TRPM3: variants seen among roughly 807,000 people sequenced by gnomAD.
The protein encoded by TRPM3 is transient receptor potential cation channel subfamily M member 3, also known as long transient receptor potential channel 3.
A neutral mutation model predicts 181.2 loss-of-function variants in TRPM3; 77 were observed. That is an observed-to-expected ratio of 0.42 (90% CI 0.35 to 0.51). The LOEUF is 0.51. TRPM3 is among the 20% of genes least tolerant of loss of function. The probability of loss-of-function intolerance (pLI) is 0.01; values close to 1 mark genes in which losing one functional copy is unlikely to be tolerated. For missense variants in TRPM3, 1,759 were observed against 2,196.7 expected, an observed-to-expected ratio of 0.80 and a Z score of 3.98; for synonymous variants, 745 against 796.4, an observed-to-expected ratio of 0.94 and a Z score of 1.09.
chr9:70,965,538 T>C (rs1473581040), intron 1 of TRPM3, among the ~76,000 whole-genome samples: 1 of 152,114 alleles, frequency 6.6e-6, no homozygotes, highest in Non-Finnish European at 1.5e-5. Flanking sequence ...GAGACAACCA[T>C]GTGGTTTTTG....
At chr9:71,142,714 G>T (rs2075184573) in intron 1 of TRPM3, among the ~76,000 whole-genome samples, 1 of 143,888 alleles carries the variant, frequency 6.9e-6, no homozygotes, top group Non-Finnish European at 1.5e-5. Flanking sequence ...AAATTTGCAT[G>T]ACAAATTATA....
intron 1 of TRPM3, among the ~76,000 whole-genome samples, chr9:70,942,711 A>T (rs995340340): frequency 1.7e-4 from 26 of 152,326 alleles, no homozygotes; most frequent in Admixed American, 1.3e-3. Context: ...TGGCTCCACC[A>T]TTATTAGCAA....
At chr9:71,159,450 T>C (rs927267821) in intron 1 of TRPM3, among the ~76,000 whole-genome samples, 2 of 152,104 alleles carry the variant, frequency 1.3e-5, no homozygotes, top group African/African-American at 4.8e-5. Context: ...CATATGTCAA[T>C]ATATTGAATC....
intron 1 of TRPM3, among the ~76,000 whole-genome samples, chr9:71,167,123 T>C (rs1349090633): frequency 6.6e-6 from 1 of 152,102 alleles, no homozygotes; most frequent in Non-Finnish European, 1.5e-5. Context: ...ATTTCGAAAA[T>C]GTGAATCAAG....
intron 1 of TRPM3, among the ~76,000 whole-genome samples, chr9:70,966,464 C>T (rs1210143394): frequency 2.0e-5 from 3 of 152,008 alleles, no homozygotes; most frequent in Non-Finnish European, 4.4e-5. Flanking sequence ...CAGTGCTATT[C>T]ACAAAAGCAA....
At chr9:71,119,099 C>A (rs770237355) in intron 1 of TRPM3, among the ~76,000 whole-genome samples, 4 of 152,118 alleles carry the variant, frequency 2.6e-5, no homozygotes, top group Non-Finnish European at 5.9e-5. Context: ...AGCAGCTTTG[C>A]TTTCTTTCTA....
chr9:71,192,692 C>T (rs2078107379), intron 1 of TRPM3, among the ~76,000 whole-genome samples: 1 of 151,690 alleles, frequency 6.6e-6, no homozygotes, highest in African/African-American at 2.4e-5. Flanking sequence ...ATATTTTCTC[C>T]CATTCTCTAG....
chr9:71,369,083 T>C (rs2092430138), intron 1 of TRPM3, among the ~76,000 whole-genome samples: 1 of 152,016 alleles, frequency 6.6e-6, no homozygotes, highest in Non-Finnish European at 1.5e-5. Flanking sequence ...ATAATCTTAC[T>C]AGCTATTTTA....
At chr9:71,026,679 C>T (rs2056560813) in intron 1 of TRPM3, among the ~76,000 whole-genome samples, 1 of 152,156 alleles carries the variant, frequency 6.6e-6, no homozygotes, top group Non-Finnish European at 1.5e-5. Flanking sequence ...GCCCTGCCCA[C>T]TCCAGTGCTC....
intron 8 of TRPM3, among the ~76,000 whole-genome samples, chr9:70,701,034 A>T (rs752591587): frequency 2.0e-5 from 3 of 152,184 alleles, no homozygotes; most frequent in Non-Finnish European, 4.4e-5. Context: ...CCCCATTATA[A>T]TGATTGTAGT....
intron 1 of TRPM3, among the ~76,000 whole-genome samples, chr9:71,354,217 C>T (rs1254899751): frequency 6.6e-6 from 1 of 152,174 alleles, no homozygotes; most frequent in Non-Finnish European, 1.5e-5. Context: ...TAGGGAGGTA[C>T]ACAAGCAAGT....
intron 1 of TRPM3, among the ~76,000 whole-genome samples, chr9:71,413,047 A>G (rs561412706): frequency 1.1e-4 from 17 of 152,232 alleles, no homozygotes; most frequent in African/African-American, 4.1e-4. Flanking sequence ...GAATTGAACA[A>G]TGAGAACACT....
intron 1 of TRPM3, among the ~76,000 whole-genome samples, chr9:71,243,408 T>C (rs1367844754): frequency 6.6e-6 from 1 of 152,200 alleles, no homozygotes; most frequent in Non-Finnish European, 1.5e-5. Flanking sequence ...TGTCACCTCC[T>C]GGAAGAGTGT....
At chr9:71,197,630 A>G (rs2078472757) in intron 1 of TRPM3, among the ~76,000 whole-genome samples, 1 of 152,042 alleles carries the variant, frequency 6.6e-6, no homozygotes, top group Non-Finnish European at 1.5e-5. Flanking sequence ...AGTGATGGTG[A>G]GCATTTTTTC....
chr9:71,176,125 C>T (rs572585758), intron 1 of TRPM3, among the ~76,000 whole-genome samples: 2 of 152,148 alleles, frequency 1.3e-5, no homozygotes, highest in Non-Finnish European at 2.9e-5. Flanking sequence ...TACTTTTAAT[C>T]GTTATTTTAG....
chr9:70,766,988 C>T (rs1437532114), intron 7 of TRPM3, among the ~76,000 whole-genome samples: 2 of 152,196 alleles, frequency 1.3e-5, no homozygotes, highest in Non-Finnish European at 2.9e-5. Context: ...TAGAAAAGTG[C>T]CTGACACATA....
intron 1 of TRPM3, among the ~76,000 whole-genome samples, chr9:71,332,461 T>C (rs564257878): frequency 1.9e-4 from 29 of 150,992 alleles, no homozygotes; most frequent in African/African-American, 6.3e-4. Flanking sequence ...AGTTTGACAA[T>C]TGAGCTAAGA....
chr9:70,833,078 G>C (rs1348399671), intron 5 of TRPM3, among the ~76,000 whole-genome samples: 1 of 152,146 alleles, frequency 6.6e-6, no homozygotes, highest in Non-Finnish European at 1.5e-5. Context: ...TCTGTTTCCT[G>C]CCTCTAAAAT....
chr9:71,446,847 C>T, upstream of TRPM3: 3 of 1,532,702 alleles, frequency 2.0e-6, no homozygotes, highest in Non-Finnish European at 1.8e-6. Flanking sequence ...AGAAGTTCGC[C>T]TCCCTCGGCC....
Sources: allele counts gnomAD v4.1 joint callset (sites outside exome capture counted in the v4.1 genomes callset), GRCh38; gene constraint gnomAD v4.1.1; transcripts MANE v1.5; gene names NCBI Gene and HGNC (gene_info 2026-07-23, HGNC 2026-07-21).